Variants in AKAP13 observed in about 807,000 individuals in gnomAD.
The protein encoded by AKAP13 is A-kinase anchoring protein 13.
Under a neutral mutation model 264.5 loss-of-function variants are expected in AKAP13, and 80 were observed. The observed-to-expected ratio is 0.30, with a 90% CI of 0.25 to 0.36. The LOEUF (loss-of-function observed/expected upper bound fraction) is 0.36, where lower values mean the gene tolerates loss of function less well. AKAP13 is among the 10% of genes least tolerant of loss of function. AKAP13 has a pLI of 1.00. For synonymous variants in AKAP13, 1,380 were observed against 1,250.2 expected (o/e 1.10, Z -2.19); for missense variants, 3,712 against 3,435.2 (o/e 1.08, Z -2.01).
intron 5 of AKAP13, among the ~76,000 whole-genome samples, chr15:85,549,471 T>A (rs1251210283): frequency 6.6e-6 from 1 of 152,248 alleles, no homozygotes; most frequent in Non-Finnish European, 1.5e-5. Flanking sequence ...CTTCATTTAT[T>A]GAATGCCTAT....
chr15:85,594,104 GA>G (rs1395066530), intron 8 of AKAP13, among the ~76,000 whole-genome samples: 1 of 152,168 alleles, frequency 6.6e-6, no homozygotes, highest in Non-Finnish European at 1.5e-5. Context: ...AAGACAGTAT[GA>G]ATGAGTGATT....
chr15:85,643,210 T>TC (rs997672685), intron 9 of AKAP13, among the ~76,000 whole-genome samples: 1 of 151,840 alleles, frequency 6.6e-6, no homozygotes, highest in African/African-American at 2.4e-5. Context: ...TTTTTTTTTT[T>TC]TGTAATTCTT....
intron 1 of AKAP13, among the ~76,000 whole-genome samples, chr15:85,390,062 C>G (rs2070778821): frequency 6.6e-6 from 1 of 152,180 alleles, no homozygotes; most frequent in African/African-American, 2.4e-5. Context: ...ATCTAATCTT[C>G]TCTTTTCTCT....
intron 4 of AKAP13, among the ~76,000 whole-genome samples, chr15:85,537,165 G>A (rs1219488092): frequency 3.0e-5 from 1 of 33,642 alleles, no homozygotes; most frequent in Non-Finnish European, 6.6e-5. Flanking sequence ...GGGAACACTG[G>A]GTACAGTAAG....
chr15:85,553,946 C>T (rs1290202738), intron 5 of AKAP13, among the ~76,000 whole-genome samples: 1 of 152,190 alleles, frequency 6.6e-6, no homozygotes, highest in South Asian at 2.1e-4. Context: ...CAGAACCATT[C>T]CATACCCCGC....
rs1452584265 is a variant in AKAP13, at chr15:85,744,665, G to C, written c.8430G>C (p.Glu2810Asp). ...CAGAAGTATCAGCAGAGGGTGAAGA[G>C]ATCTTCTGCTGACCCTCTTCCTCTC... is the stretch of plus-strand genomic sequence containing the variant. ...PASEVSAEGE[E>D]IFC The change falls in exon 37 of 37, where the codon GAG (glutamate) becomes GAC (aspartate). Residue 2810 changes from glutamate to aspartate, a missense_variant. Around this residue, in one of 3 missense-constraint regions of AKAP13, gnomAD observed 611 missense variants for 539.3 expected, o/e 1.13. Transcript: ENST00000394518. 4 of 1,610,076 alleles carry C rather than the reference G, an allele frequency of 2.5e-6. No homozygotes were observed. The highest frequency in any genetic ancestry group is 1.7e-5 in the Admixed American group (1 of 59,412).
rs1041144483 is a variant in AKAP13 at position 85,703,542 on chromosome 15, C to T, written c.5465-4477C>T. Among the ~76,000 whole-genome samples the T allele has an allele frequency of 3.3e-5, 5 of 152,226 alleles. No individual in the cohort carries two copies. The South Asian group carries it at 8.3e-4, about 25-fold the overall frequency. On this transcript the variant is annotated intron_variant, in intron 17 of 36. Coordinates refer to ENST00000394518, the MANE Select transcript of AKAP13 (RefSeq NM_007200.5). ...CAGATAGGGCGATGTCTCAAATCCC[C>T]CAAAGATTTTATTTATTGGCCAGGT...
At chr15:85,468,917 ATTT>A (rs924610338) in intron 1 of AKAP13, among the ~76,000 whole-genome samples, 1 of 133,088 alleles carries the variant, frequency 7.5e-6, no homozygotes, top group Non-Finnish European at 1.6e-5. Flanking sequence ...AGGTGTGTAA[ATTT>A]TTTTTTTTTT....
At chr15:85,403,765 C>T (rs544403262) in intron 1 of AKAP13, among the ~76,000 whole-genome samples, 31 of 150,766 alleles carry the variant, frequency 2.1e-4, no homozygotes, top group African/African-American at 6.3e-4. Flanking sequence ...CGCTTGAACC[C>T]GGGAGGTGGT....
At position 85,723,080 on chromosome 15, in the gene AKAP13, G is replaced by A; in HGVS notation, c.6505G>A (p.Val2169Met). Residue 2169 changes from valine to methionine, a missense_variant, in exon 26 of 37, where the codon GTG (valine) becomes ATG (methionine). This residue lies in a region of AKAP13 where 342 missense variants were observed against 484.3 expected (regional missense o/e 0.71). Coordinates refer to ENST00000394518, the MANE Select transcript of AKAP13 (RefSeq NM_007200.5). ...RILQCTKDNE[V>M]EQEDLAQSLS... ...TATTCTTTCCTTCCAAGACAATGAA[G>A]TGGAGCAGGAAGATCTAGCACAGTC... is the stretch of plus-strand genomic sequence containing the variant. The A allele has an allele frequency of 6.2e-7, 1 of 1,612,954 alleles. No individual in the cohort carries two copies. Among genetic ancestry groups the A allele is most frequent in the Non-Finnish European group, 8.5e-7 (1 of 1,179,034 alleles).
chr15:85,525,770 C>G (rs2077017895), intron 3 of AKAP13, among the ~76,000 whole-genome samples: 1 of 152,060 alleles, frequency 6.6e-6, no homozygotes, highest in Non-Finnish European at 1.5e-5. Flanking sequence ...AAATAGTGTA[C>G]AAAATCTGGA....
chr15:85,663,060 A>C (rs2083432580), intron 12 of AKAP13, among the ~76,000 whole-genome samples: 1 of 152,194 alleles, frequency 6.6e-6, no homozygotes, highest in Admixed American at 6.5e-5. Flanking sequence ...CTGTAATCCC[A>C]GTACTTTGGG....
intron 1 of AKAP13, chr15:85,415,471 A>G: frequency 1.3e-6 from 2 of 1,591,978 alleles, no homozygotes; most frequent in Non-Finnish European, 8.6e-7. Flanking sequence ...GATGGCAGAA[A>G]AACTCAGACT....
At chr15:85,566,855 C>T (rs2078624309) in intron 5 of AKAP13, among the ~76,000 whole-genome samples, 1 of 151,752 alleles carries the variant, frequency 6.6e-6, no homozygotes, top group Admixed American at 6.6e-5. Context: ...GTCTCAATCT[C>T]CTGACCTCGT....
At chr15:85,698,507 CAG>C (rs1651678281) in intron 17 of AKAP13, among the ~76,000 whole-genome samples, 1 of 149,284 alleles carries the variant, frequency 6.7e-6, no homozygotes, top group South Asian at 2.1e-4. Flanking sequence ...TAGGACAGAT[CAG>C]AGGTTGCCAA....
intron 5 of AKAP13, among the ~76,000 whole-genome samples, chr15:85,544,373 AC>A (rs1567116418): frequency 6.6e-6 from 1 of 152,216 alleles, no homozygotes; most frequent in Non-Finnish European, 1.5e-5. Context: ...TTAATTAGAA[AC>A]CAGTACTTCC....
intron 2 of AKAP13, among the ~76,000 whole-genome samples, chr15:85,495,317 G>A (rs2075841078): frequency 6.6e-6 from 1 of 152,090 alleles, no homozygotes; most frequent in Admixed American, 6.5e-5. Context: ...TTGGACCCTT[G>A]TGGTTAATGA....
intron 1 of AKAP13, among the ~76,000 whole-genome samples, chr15:85,451,986 T>C (rs2150980372): frequency 6.6e-6 from 1 of 152,320 alleles, no homozygotes; most frequent in East Asian, 1.9e-4. Context: ...GTTCTCCCCT[T>C]GCCTTTGAGG....
chr15:85,406,194 T>C (rs2071652524), intron 1 of AKAP13, among the ~76,000 whole-genome samples: 1 of 152,080 alleles, frequency 6.6e-6, no homozygotes, highest in Non-Finnish European at 1.5e-5. Context: ...ATAAATAAAC[T>C]ATTTCTCTGG....
Sources: gnomAD v4.1 joint callset for allele counts (sites outside exome capture counted in the v4.1 genomes callset) on GRCh38, gnomAD v4.1.1 for gene constraint, gnomAD v4.1.1 regional missense constraint, MANE v1.5 for transcripts, NCBI Gene and HGNC (gene_info 2026-07-23, HGNC 2026-07-21) for gene names.